The following SLTM variants were observed in gnomAD, a reference collection of about 807,000 sequenced individuals.
SLTM encodes SAFB like transcription modulator, also known as SAFB-like transcription modulator.
SLTM carries 43 observed loss-of-function variants against 134.6 expected under a neutral mutation model. The observed-to-expected ratio is 0.32, with a 90% CI of 0.25 to 0.41. SLTM has a LOEUF of 0.41. Among genes scored for constraint, SLTM ranks in the 10% least tolerant of loss-of-function variants. SLTM has a pLI of 1.00. For synonymous variants in SLTM, 424 were observed against 432.3 expected (o/e 0.98, Z 0.24); for missense variants, 1,055 against 1,288.8 (o/e 0.82, Z 2.78).
chr15:58,887,709 T>C (rs776781218), intron 17 of SLTM, 169 bp from the exon 18 acceptor site: 5 of 853,928 alleles, frequency 5.9e-6, no homozygotes, highest in Non-Finnish European at 7.0e-6. Context: ...TCTTTTAAAC[T>C]GAACTAAGTG....
chr15:58,917,110 AG>A, intron 2 of SLTM, 111 bp from the exon 3 acceptor site: 1 of 985,404 alleles, frequency 1.0e-6, no homozygotes, highest in East Asian at 2.7e-5. Context: ...TATCTGACAA[AG>A]CTAATGTCAA....
At chr15:58,881,880 A>G (rs1351740106) in intron 20 of SLTM, among the ~76,000 whole-genome samples, 2 of 151,962 alleles carry the variant, frequency 1.3e-5, no homozygotes, top group Non-Finnish European at 2.9e-5. Context: ...TACAGGCATG[A>G]GCCACTGTGC....
chr15:58,930,748 T>G (rs909714079), intron 2 of SLTM, among the ~76,000 whole-genome samples: 1 of 148,324 alleles, frequency 6.7e-6, no homozygotes, highest in Non-Finnish European at 1.5e-5. Context: ...TATATACACC[T>G]ATATATAATC....
intron 2 of SLTM, among the ~76,000 whole-genome samples, chr15:58,922,213 T>A (rs2037099941): frequency 6.6e-6 from 1 of 151,056 alleles, no homozygotes; most frequent in South Asian, 2.1e-4. Context: ...CTGTCTCTAC[T>A]AAAAACACAA....
At chr15:58,903,967 CTTTTT>C in intron 5 of SLTM, among the ~76,000 whole-genome samples, 1 of 152,156 alleles carries the variant, frequency 6.6e-6, no homozygotes, top group East Asian at 1.9e-4. Flanking sequence ...ATAATAATTT[CTTTTT>C]TTAAGTATTT....
chr15:58,889,238 A>T (rs1205646395), intron 16 of SLTM, 192 bp downstream of exon 16: 2 of 547,102 alleles, frequency 3.7e-6, no homozygotes, highest in Non-Finnish European at 6.2e-6. Flanking sequence ...AGAAAGGTAG[A>T]CAGGGAAAGA....
chr15:58,933,636 C>T lies in SLTM; in HGVS notation c.-71G>A. The T allele has an allele frequency of 7.1e-7, 1 of 1,408,698 alleles. No individual in the cohort carries two copies. The highest frequency in any genetic ancestry group is 9.2e-7 in the Non-Finnish European group (1 of 1,084,448). The allele number at this position is 1,408,698 out of a possible 1,614,324, so 87.3% of individuals were successfully genotyped here. On this transcript the variant is annotated 5_prime_UTR_variant, in exon 1 of 21. Coordinates refer to ENST00000380516, the MANE Select transcript of SLTM (RefSeq NM_024755.4). Reference sequence around the variant, plus strand: ...CGGCGGCAGCAGCGCCAACTTCCACCCAGGCCTCGGCGGCCGCCGGCGCCG... The same window carrying T: ...CGGCGGCAGCAGCGCCAACTTCCACTCAGGCCTCGGCGGCCGCCGGCGCCG...
chr15:58,927,228 T>A (rs951641996), intron 2 of SLTM, among the ~76,000 whole-genome samples: 1 of 152,138 alleles, frequency 6.6e-6, no homozygotes, highest in Non-Finnish European at 1.5e-5. Flanking sequence ...AAAAGAGATA[T>A]TTCTTTTTTT....
In SLTM at chr15:58,932,421, T is replaced by A; in HGVS notation, c.185A>T (p.Asp62Val). Residue 62 changes from aspartate (D) to valine (V), a missense_variant, in exon 2 of 21, where the codon GAT becomes GTT. Asp to Val is a radical substitution (Grantham distance 152). This residue lies in a region of SLTM where 268 missense variants were observed against 284.3 expected (regional missense o/e 0.94). Transcript: ENST00000380516. Reference sequence around the variant, plus strand: ...AACAGTTAATTCAATATTATCTGGATCGCCTCCTTCCTCTTCAATAGCCTA... The same window carrying A: ...AACAGTTAATTCAATATTATCTGGAACGCCTCCTTCCTCTTCAATAGCCTA... The part of the protein sequence containing the change: ...LKQAIEEEGG[D>V]PDNIELTVST... 1 of 1,612,748 alleles carries A rather than the reference T, an allele frequency of 6.2e-7. No homozygotes were observed. The highest frequency in any genetic ancestry group is 8.5e-7 in the Non-Finnish European group (1 of 1,178,788).
At chr15:58,881,993 A>C (rs2033752371) in intron 20 of SLTM, among the ~76,000 whole-genome samples, 2 of 151,752 alleles carry the variant, frequency 1.3e-5, no homozygotes, top group South Asian at 4.2e-4. Context: ...GGCAGATCAC[A>C]AGGTCAGGAG....
rs769988951 is a variant in SLTM at position 58,889,304 on chromosome 15, T to G, written c.2204+126A>C. 124 of 1,260,986 alleles carry G rather than the reference T, an allele frequency of 9.8e-5. 1 individual carries two copies. The highest frequency in any genetic ancestry group is 3.4e-4 in the South Asian group (24 of 69,804). The allele number at this position is 1,260,986 out of a possible 1,614,324, so 78.1% of individuals were successfully genotyped here. ...TGGGTCTACCCCAGTACTGTAATCC[T>G]TCCCATCCCTGTTGATCATGACTTT... On this transcript the variant is annotated intron_variant, in intron 16 of 20. Coordinates refer to ENST00000380516, the MANE Select transcript of SLTM (RefSeq NM_024755.4).
Position 58,879,540 on chromosome 15 carries a change from G to A in SLTM, c.*459C>T, listed in dbSNP as rs2033530126. 6.5e-6 allele frequency: 1 copy of A among 153,194 alleles called. No homozygotes were observed. The highest frequency in any genetic ancestry group is 1.5e-5 in the Non-Finnish European group (1 of 68,488). The allele number at this position is 153,194 out of a possible 1,614,324, so 9.5% of individuals were successfully genotyped here. On this transcript the variant is annotated 3_prime_UTR_variant, in exon 21 of 21. Coordinates refer to ENST00000380516, the MANE Select transcript of SLTM (RefSeq NM_024755.4). ...GCAAAAATAGGTTACATAATACTCA[G>A]AAATGCAATGAACAATCTTATTCTC...
At position 58,933,479 on chromosome 15, in the gene SLTM, A is replaced by G; in HGVS notation, c.87T>C (p.Asp29=). 6.3e-7 allele frequency: 1 copy of G among 1,598,646 alleles called. No individual in the cohort carries two copies. The highest frequency in any genetic ancestry group is 8.5e-7 in the Non-Finnish European group (1 of 1,173,312). Residue 29 remains aspartate (D), a synonymous_variant, in exon 1 of 21, where the codon GAT becomes GAC. Coordinates refer to ENST00000380516, the MANE Select transcript of SLTM (RefSeq NM_024755.4). ...TCCGCCGCTTCAGCTCGGACTTCAG[A>G]TCGATGACCCGCAGATCGGTGATCT... ...GKKITDLRVI[D]LKSELKRRNL... is the part of the protein sequence containing the mutation.
intron 5 of SLTM, among the ~76,000 whole-genome samples, chr15:58,903,580 T>C (rs562660652): frequency 5.9e-5 from 9 of 151,942 alleles, no homozygotes; most frequent in African/African-American, 2.2e-4. Flanking sequence ...GAGATATACC[T>C]GACGCTAAAT....
Position 58,888,515 on chromosome 15 carries a change from G to T in SLTM, c.2245C>A (p.Leu749Ile). The change falls in exon 17 of 21, where the codon CTA becomes ATA. Residue 749 changes from leucine to isoleucine, a missense_variant. Around this residue, in one of 3 missense-constraint regions of SLTM, gnomAD observed 776 missense variants for 962.2 expected, o/e 0.81. Transcript: ENST00000380516. ...PYWSENKKLSLDTDARFGHGS... is the reference protein window; with the variant it reads ...PYWSENKKLSIDTDARFGHGS... ...TGGCCAAATCGTGCATCTGTATCTA[G>T]AGACAACTTTTTATTCTCGCTCCAG... 1 of 1,613,980 alleles carries T rather than the reference G, an allele frequency of 6.2e-7. No homozygotes were observed. Among genetic ancestry groups the T allele is most frequent in the African/African-American group, 1.3e-5 (1 of 75,002 alleles).
chr15:58,893,086 T>C (rs1226526356), intron 13 of SLTM, 26 bp from the exon 14 acceptor site: 2 of 1,552,436 alleles, frequency 1.3e-6, no homozygotes, highest in South Asian at 1.2e-5. Flanking sequence ...AGAAGAACAC[T>C]AGAAATTAAA....
At position 58,887,118 on chromosome 15, in the gene SLTM, C is replaced by A; in HGVS notation, c.2692G>T (p.Val898Phe). 2 of 1,614,052 alleles carry A rather than the reference C, an allele frequency of 1.2e-6. No individual in the cohort carries two copies. The highest frequency in any genetic ancestry group is 1.7e-6 in the Non-Finnish European group (2 of 1,179,972). Residue 898 changes from valine (V) to phenylalanine (F), a missense_variant and splice_region_variant, in exon 19 of 21, where the codon GTT becomes TTT. This residue lies in a region of SLTM where 776 missense variants were observed against 962.2 expected (regional missense o/e 0.81). Transcript: ENST00000380516. Reference sequence around the variant, plus strand: ...CTCCCAGATCGTTCTGGCCTTTCAACTCTGTTAAACAAAACATAAAAACAT... The same window carrying A: ...CTCCCAGATCGTTCTGGCCTTTCAAATCTGTTAAACAAAACATAAAAACAT... Reference protein sequence around the residue: ...SMSTDKRETRVERPERSGREV... With the variant: ...SMSTDKRETRFERPERSGREV...
Position 58,889,419 on chromosome 15 carries a change from T to C in SLTM, c.2204+11A>G. 1.2e-6 allele frequency: 2 copies of C among 1,613,580 alleles called. No individual in the cohort carries two copies. Among genetic ancestry groups the C allele is most frequent in the Non-Finnish European group, 1.7e-6 (2 of 1,179,596 alleles). ...CAAGGTTAACTGTTAAGGAATAAAA[T>C]GAGTAACTACCTATGATCTACATCA... is the stretch of plus-strand genomic sequence containing the variant. On this transcript the variant is annotated intron_variant, in intron 16 of 20. Coordinates refer to ENST00000380516, the MANE Select transcript of SLTM (RefSeq NM_024755.4).
At chr15:58,918,926 T>C (rs2036831224) in intron 2 of SLTM, among the ~76,000 whole-genome samples, 1 of 152,082 alleles carries the variant, frequency 6.6e-6, no homozygotes, top group Non-Finnish European at 1.5e-5. Flanking sequence ...TTTTTTTTTT[T>C]TTCCTGAGAC....
Sources: allele counts gnomAD v4.1 joint callset (sites outside exome capture counted in the v4.1 genomes callset), GRCh38; gene constraint gnomAD v4.1.1; regional missense constraint gnomAD v4.1.1; transcripts MANE v1.5; gene names NCBI Gene and HGNC (gene_info 2026-07-23, HGNC 2026-07-21).